EBF2: variants seen among roughly 807,000 people sequenced by gnomAD.
EBF2 encodes the protein transcription factor COE2.
In EBF2, 21 loss-of-function variants were observed where a neutral mutation model predicts 72.8. That is an observed-to-expected ratio of 0.29 (90% CI 0.20 to 0.42). EBF2 has a LOEUF of 0.42. Among genes scored for constraint, EBF2 ranks in the 10% least tolerant of loss-of-function variants. EBF2 has a pLI of 1.00. For synonymous variants in EBF2, 299 were observed against 274.2 expected (o/e 1.09, Z -0.89); for missense variants, 637 against 731.2 (o/e 0.87, Z 1.49).
rs1212946723 is a variant in EBF2, at chr8:25,844,090, A to G, written c.*519T>C. 6.5e-6 allele frequency: 1 copy of G among 152,750 alleles called. No individual in the cohort carries two copies. The highest frequency in any genetic ancestry group is 1.9e-4 in the East Asian group (1 of 5,202). 9.5% of individuals were successfully genotyped at this position (152,750 alleles called of 1,614,324 possible). On this transcript the variant is annotated 3_prime_UTR_variant, in exon 16 of 16. Coordinates refer to ENST00000520164, the MANE Select transcript of EBF2 (RefSeq NM_022659.4). ...TTTAAAGAGATTAAGCTATAAGCAA[A>G]CACACATACAACATTTCATCATTCA...
intron 6 of EBF2, among the ~76,000 whole-genome samples, chr8:25,948,956 G>A (rs931966567): frequency 1.1e-4 from 16 of 152,050 alleles, no homozygotes; most frequent in African/African-American, 3.4e-4. Flanking sequence ...CCAAATACAC[G>A]CCAAAAATCA....
chr8:26,033,537 C>T (rs565343483), intron 5 of EBF2, among the ~76,000 whole-genome samples: 1 of 152,308 alleles, frequency 6.6e-6, no homozygotes, highest in Non-Finnish European at 1.5e-5. Flanking sequence ...GCCACAAGAA[C>T]ATTCACCTTC....
intron 6 of EBF2, among the ~76,000 whole-genome samples, chr8:25,966,369 T>C (rs1325777117): frequency 6.6e-6 from 1 of 152,210 alleles, no homozygotes; most frequent in Non-Finnish European, 1.5e-5. Flanking sequence ...TTCCCTTCTT[T>C]TCCCACACCA....
chr8:25,982,147 C>T (rs1027566743), intron 6 of EBF2, among the ~76,000 whole-genome samples: 2 of 152,202 alleles, frequency 1.3e-5, no homozygotes, highest in Non-Finnish European at 2.9e-5. Context: ...TGCTCTCAGA[C>T]ACCTGGGCTT....
chr8:25,887,421 C>A (rs932595975), intron 9 of EBF2, among the ~76,000 whole-genome samples: 9 of 152,120 alleles, frequency 5.9e-5, no homozygotes, highest in Admixed American at 4.6e-4. Context: ...TTTGAAATTA[C>A]AGAAAAATAT....
chr8:25,855,789 G>T (rs146631541), intron 14 of EBF2, among the ~76,000 whole-genome samples: 1 of 152,258 alleles, frequency 6.6e-6, no homozygotes, highest in East Asian at 1.9e-4. Context: ...GCACTGTTTG[G>T]AATTTCATTC....
chr8:26,033,036 A>T, intron 6 of EBF2, 49 bp downstream of exon 6: 1 of 1,552,842 alleles, frequency 6.4e-7, no homozygotes. Flanking sequence ...GTTGAGGTTC[A>T]TGAAGAAAAG....
chr8:25,942,779 G>A (rs903782825), intron 6 of EBF2, among the ~76,000 whole-genome samples: 4 of 152,124 alleles, frequency 2.6e-5, no homozygotes, highest in Admixed American at 6.5e-5. Flanking sequence ...TCGTTCCTGC[G>A]GGCTCGCCTA....
intron 6 of EBF2, among the ~76,000 whole-genome samples, chr8:25,911,776 T>C (rs984484934): frequency 3.3e-5 from 5 of 152,006 alleles, no homozygotes; most frequent in African/African-American, 7.3e-5. Flanking sequence ...CCTGAGTGGG[T>C]GTGGCAGAGG....
chr8:26,017,345 A>C (rs1805128036), intron 6 of EBF2, among the ~76,000 whole-genome samples: 2 of 152,154 alleles, frequency 1.3e-5, no homozygotes, highest in Non-Finnish European at 2.9e-5. Flanking sequence ...GGTTTGCCTG[A>C]AAATGATACC....
intron 6 of EBF2, among the ~76,000 whole-genome samples, chr8:25,973,436 T>C (rs896035818): frequency 3.9e-5 from 6 of 152,200 alleles, no homozygotes; most frequent in Non-Finnish European, 8.8e-5. Flanking sequence ...CTGGACTGGC[T>C]TGAATGCACA....
intron 10 of EBF2, among the ~76,000 whole-genome samples, chr8:25,866,484 A>AATATATAATATATATAATATATAGGAC (rs1802319743): frequency 1.4e-5 from 2 of 142,784 alleles, no homozygotes; most frequent in African/African-American, 5.1e-5. Context: ...ATAATATAAA[A>AATATATAATATATATAATATATAGGAC]ATATATAATA....
chr8:25,885,196 C>A (rs1298032077), intron 10 of EBF2, among the ~76,000 whole-genome samples: 2 of 141,604 alleles, frequency 1.4e-5, no homozygotes, highest in African/African-American at 5.5e-5. Context: ...GTCTAAACTC[C>A]CTTACCAGGC....
chr8:26,014,244 G>A (rs1442887450), intron 6 of EBF2, among the ~76,000 whole-genome samples: 1 of 151,778 alleles, frequency 6.6e-6, no homozygotes, highest in Non-Finnish European at 1.5e-5. Flanking sequence ...TTAATAACAG[G>A]CAACAATTCC....
chr8:26,037,582 C>T (rs930622947), intron 5 of EBF2, among the ~76,000 whole-genome samples: 1 of 152,220 alleles, frequency 6.6e-6, no homozygotes, highest in Admixed American at 6.5e-5. Flanking sequence ...TAGCCTGCGC[C>T]TTGTGGCGAA....
chr8:26,031,055 C>G (rs1264877614), intron 6 of EBF2, among the ~76,000 whole-genome samples: 1 of 152,134 alleles, frequency 6.6e-6, no homozygotes, highest in African/African-American at 2.4e-5. Flanking sequence ...AAGGTGTGTA[C>G]TTATGAGAAG....
In EBF2 at chr8:26,009,852, T is replaced by C. The variant is rs375033945; in HGVS notation, c.551+23233A>G. 7.9e-5 allele frequency among the ~76,000 whole-genome samples: 12 copies of C among 152,312 alleles called. No homozygotes were observed. In the East Asian group the frequency reaches 9.6e-4, roughly 12 times the overall value. On this transcript the variant is annotated intron_variant, in intron 6 of 15. Coordinates refer to ENST00000520164, the MANE Select transcript of EBF2 (RefSeq NM_022659.4). ...TCACATAAATATCTGAGGAGACTGCTGACATCCTAAGCCAAGAAGAAAAAC... is the reference window on the plus strand; with the variant it reads ...TCACATAAATATCTGAGGAGACTGCCGACATCCTAAGCCAAGAAGAAAAAC...
chr8:25,862,424 C>A (rs1210201706), intron 11 of EBF2, among the ~76,000 whole-genome samples: 1 of 152,138 alleles, frequency 6.6e-6, no homozygotes, highest in Non-Finnish European at 1.5e-5. Flanking sequence ...ATACTTTTAA[C>A]CAATTATGCA....
chr8:25,905,052 C>T (rs1439089359), intron 7 of EBF2, among the ~76,000 whole-genome samples: 1 of 152,122 alleles, frequency 6.6e-6, no homozygotes, highest in African/African-American at 2.4e-5. Context: ...ATAGACACTT[C>T]CTCAAAGAAG....
Sources: gnomAD v4.1 joint callset for allele counts (sites outside exome capture counted in the v4.1 genomes callset) on GRCh38, gnomAD v4.1.1 for gene constraint, MANE v1.5 for transcripts, NCBI Gene and HGNC (gene_info 2026-07-23, HGNC 2026-07-21) for gene names.